Variants in IAH1 observed in about 807,000 individuals in gnomAD.
IAH1 encodes the protein isoamyl acetate-hydrolyzing esterase 1 homolog.
A neutral mutation model predicts 26.7 loss-of-function variants in IAH1; 24 were observed. The ratio of observed to expected loss-of-function variants is 0.90; its 90% CI spans 0.65 to 1.26. IAH1 has a LOEUF of 1.26. Ranked by LOEUF, IAH1 falls within the 50% of genes most tolerant of loss-of-function variation. The pLI, the probability that IAH1 is intolerant of heterozygous loss-of-function variation, is 0.00. For missense variants in IAH1, 300 were observed against 299.9 expected, an observed-to-expected ratio of 1.00 and a Z score of 0.00; for synonymous variants, 140 against 118.5, an observed-to-expected ratio of 1.18 and a Z score of -1.18.
At chr2:9,505,519 A>C in the IAH1 span, 3 of 705,054 alleles carry the variant, frequency 4.3e-6, no homozygotes, top group Non-Finnish European at 7.1e-6. Context: ...TCTCCTCCAA[A>C]GGCCACTGAT....
chr2:9,502,064 T>A, the IAH1 span: 1 of 976,808 alleles, frequency 1.0e-6, no homozygotes, highest in Non-Finnish European at 1.5e-6. Context: ...ACCCGGCATA[T>A]GAGATTAAAA....
chr2:9,485,199 G>GA (rs1488356952), intron 5 of IAH1: 1 of 152,318 alleles, frequency 6.6e-6, no homozygotes, highest in Non-Finnish European at 1.5e-5. Flanking sequence ...GATGAATAGG[G>GA]AAACTGGTGT....
upstream of IAH1, chr2:9,474,537 C>T: frequency 1.4e-6 from 2 of 1,387,170 alleles, no homozygotes; most frequent in Non-Finnish European, 1.9e-6. This position sits in a 1 kb window ranked among gnomAD's most constrained non-coding sequence, Gnocchi z 4.3. Context: ...TCGTGGCTGG[C>T]GGCCCCGCCC....
At chr2:9,490,407 G>A, downstream of IAH1, 1 of 1,614,168 alleles carries the variant, frequency 6.2e-7, no homozygotes, top group Non-Finnish European at 8.5e-7. Context: ...GGAGCTGCTG[G>A]CGCCGAAGGG....
chr2:9,487,833 T>TGCGCGC (rs138868847), intron 5 of IAH1, among the ~76,000 whole-genome samples: 4 of 82,706 alleles, frequency 4.8e-5, no homozygotes, highest in Non-Finnish European at 7.9e-5. Context: ...TGTGTGTGTG[T>TGCGCGC]GCGCGCGCGC....
chr2:9,500,212 A>G (rs1340153987), downstream of IAH1, among the ~76,000 whole-genome samples: 1 of 152,266 alleles, frequency 6.6e-6, no homozygotes, highest in Non-Finnish European at 1.5e-5. Context: ...TTTACCCAGC[A>G]ATAAAAGTAC....
chr2:9,481,867 C>T (rs951013646), intron 4 of IAH1, among the ~76,000 whole-genome samples: 1 of 151,990 alleles, frequency 6.6e-6, no homozygotes, highest in African/African-American at 2.4e-5. Context: ...AGATAGGAGT[C>T]GCCAGCACTC....
At chr2:9,475,620 C>A in intron 1 of IAH1, 1 of 269,586 alleles carries the variant, frequency 3.7e-6, no homozygotes, top group South Asian at 4.1e-5. Flanking sequence ...CCTGCCTCAG[C>A]CTCCCGAGTA....
intron 1 of IAH1, chr2:9,475,765 T>G: frequency 1.7e-6 from 1 of 587,596 alleles, no homozygotes; most frequent in South Asian, 2.0e-5. Flanking sequence ...CCTCCCAAAG[T>G]GCTGGGAATA....
the IAH1 span, among the ~76,000 whole-genome samples, chr2:9,505,967 T>C: frequency 5.3e-5 from 8 of 152,096 alleles, no homozygotes; most frequent in Non-Finnish European, 1.2e-4. Flanking sequence ...GCAAGACCAG[T>C]GTCTCAAAAA....
In IAH1 at chr2:9,477,768, G is replaced by GT. The variant is rs369921191; in HGVS notation, c.135-453dup. On this transcript the variant is annotated intron_variant, in intron 2 of 5. Coordinates refer to ENST00000497473, the MANE Select transcript of IAH1 (RefSeq NM_001039613.3). ...CGGTTTAAGTTGAAACACAACGAAT[G>GT]TATTTACTAAAACTATTTAATCAAA... 3.4e-3 allele frequency among the ~76,000 whole-genome samples: 518 copies of GT among 151,820 alleles called. 2 individuals carry two copies. Among genetic ancestry groups the GT allele is most frequent in the African/African-American group, 0.012 (501 of 41,356 alleles).
At position 9,488,172 on chromosome 2, in the gene IAH1, G is replaced by A. The variant is rs781386763; in HGVS notation, c.590G>A (p.Gly197Glu). 6.8e-6 allele frequency: 11 copies of A among 1,609,776 alleles called. No homozygotes were observed. Among genetic ancestry groups the A allele is most frequent in the Non-Finnish European group, 9.3e-6 (11 of 1,178,730 alleles). Residue 197 changes from glycine (G) to glutamate (E), a missense_variant, in exon 6 of 6, where the codon GGA becomes GAA. Gly to Glu is a moderately conservative substitution (Grantham distance 98). Transcript: ENST00000497473. ...GACTTCTCATCTTATTTATCAGATG[G>A]ACTACATTTGTCTCCAAAGGGGAAT... ...SQDFSSYLSD[G>E]LHLSPKGNEF...
Position 9,488,184 on chromosome 2 carries a change from C to G in IAH1, c.602C>G (p.Ser201Cys). Residue 201 changes from serine to cysteine, a missense_variant, in exon 6 of 6, where the codon TCT becomes TGT. Coordinates refer to ENST00000497473, the MANE Select transcript of IAH1 (RefSeq NM_001039613.3). ...TATTTATCAGATGGACTACATTTGT[C>G]TCCAAAGGGGAATGAATTTTTGTTC... ...SSYLSDGLHLSPKGNEFLFSH... is the reference protein window; with the variant it reads ...SSYLSDGLHLCPKGNEFLFSH... 3 of 1,612,746 alleles carry G rather than the reference C, an allele frequency of 1.9e-6. No homozygotes were observed. Among genetic ancestry groups the G allele is most frequent in the Non-Finnish European group, 2.5e-6 (3 of 1,179,530 alleles).
chr2:9,493,452 T>C (rs927623154), downstream of IAH1, among the ~76,000 whole-genome samples: 6 of 152,220 alleles, frequency 3.9e-5, no homozygotes, highest in Non-Finnish European at 7.3e-5. Context: ...CAGGATTCAG[T>C]CTATAGCATT....
At position 9,494,845 on chromosome 2, in the gene IAH1, C is replaced by T. The variant is rs1202595492; in HGVS notation, c.*207C>T. The stretch of plus-strand genomic sequence containing the variant: ...CTCCTGCCTCCTCTTTCCTCCCTGA[C>T]CATGCTCCCAAAGAGGTAAGAAATC... On this transcript the variant is annotated 3_prime_UTR_variant, in exon 6 of 7. Coordinates refer to the IAH1 transcript ENST00000481367. The T allele has an allele frequency of 2.6e-6, 4 of 1,549,882 alleles. No individual in the cohort carries two copies. The Admixed American group carries it at 7.4e-5, about 28-fold the overall frequency.
At chr2:9,475,610 C>T (rs1682442626) in intron 1 of IAH1, 2 of 258,872 alleles carry the variant, frequency 7.7e-6, no homozygotes, top group African/African-American at 2.3e-5. Context: ...AAGCGTTTCT[C>T]CTGCCTCAGC....
chr2:9,496,716 T>C (rs1167746952), downstream of IAH1, among the ~76,000 whole-genome samples: 1 of 152,002 alleles, frequency 6.6e-6, no homozygotes, highest in Admixed American at 6.6e-5. Context: ...TCTGGTGGAG[T>C]TGTTGCAGGA....
At chr2:9,474,451 C>A, upstream of IAH1, 1 of 518,726 alleles carries the variant, frequency 1.9e-6, no homozygotes, top group Non-Finnish European at 3.2e-6. The surrounding 1 kb of genome is among the most constrained non-coding windows in gnomAD (Gnocchi z 4.3). Context: ...GACCTTCGCG[C>A]GTCACCAAAG....
Position 9,474,881 on chromosome 2 carries a change from A to C in IAH1, c.81+234A>C. Reference sequence around the variant, plus strand: ...GCGAGAGCCCGGGCTCCAGGCACAGACGCGAGGGGACCCGGCCGCGCTGCC... The same window carrying C: ...GCGAGAGCCCGGGCTCCAGGCACAGCCGCGAGGGGACCCGGCCGCGCTGCC... On this transcript the variant is annotated intron_variant, in intron 1 of 5. Coordinates refer to ENST00000497473, the MANE Select transcript of IAH1 (RefSeq NM_001039613.3). The surrounding 1 kb of genome is among the most constrained non-coding windows in gnomAD (Gnocchi z 4.3). 1.9e-6 allele frequency: 1 copy of C among 523,702 alleles called. No homozygotes were observed. The allele number at this position is 523,702 out of a possible 1,614,324, so 32.4% of individuals were successfully genotyped here. A position where few individuals can be genotyped will look rare whatever the true frequency, so the allele number is the denominator to read the frequency against.
Sources: allele counts gnomAD v4.1 joint callset (sites outside exome capture counted in the v4.1 genomes callset), GRCh38; gene constraint gnomAD v4.1.1; non-coding constraint Gnocchi (gnomAD v3.1); transcripts MANE v1.5; gene names NCBI Gene and HGNC (gene_info 2026-07-23, HGNC 2026-07-21).